The following GSAP variants were observed in gnomAD, a reference collection of about 807,000 sequenced individuals.
GSAP encodes gamma-secretase activating protein, also known as gamma-secretase-activating protein.
A neutral mutation model predicts 131.7 loss-of-function variants in GSAP; 118 were observed. The observed-to-expected ratio is 0.90, with a 90% CI of 0.77 to 1.04. The LOEUF (loss-of-function observed/expected upper bound fraction) is 1.04, where lower values mean the gene tolerates loss of function less well. Ranked by LOEUF, GSAP falls within the 50% of genes least tolerant of loss-of-function variation. The pLI is 0.00. For synonymous variants in GSAP, 381 were observed against 363.4 expected, an observed-to-expected ratio of 1.05 and a Z score of -0.55; for missense variants, 1,019 against 1,013.2, an observed-to-expected ratio of 1.01 and a Z score of -0.08.
rs1030594188 is a variant in GSAP, at chr7:77,310,755, T to C, written c.*603A>G. 2.6e-5 allele frequency: 4 copies of C among 152,276 alleles called. No homozygotes were observed. The highest frequency in any genetic ancestry group is 5.9e-5 in the Non-Finnish European group (4 of 68,018). The allele number at this position is 152,276 out of a possible 1,614,324, so 9.4% of individuals were successfully genotyped here. On this transcript the variant is annotated 3_prime_UTR_variant, in exon 31 of 31. Coordinates refer to ENST00000257626, the MANE Select transcript of GSAP (RefSeq NM_017439.4). ...CAGGGAAAGTCAGGCCAAAACTATG[T>C]TTTCAGGTTTTTTAATGACTGACAA...
chr7:77,356,185 T>C (rs1793698783), intron 14 of GSAP, among the ~76,000 whole-genome samples: 1 of 152,216 alleles, frequency 6.6e-6, no homozygotes, highest in Non-Finnish European at 1.5e-5. Flanking sequence ...TTTCTCTTAC[T>C]AGGTAAACCT....
rs181326159 is a variant in GSAP at position 77,329,473 on chromosome 7, G to C, written c.1675-82C>G. 18 of 632,394 alleles carry C rather than the reference G, an allele frequency of 2.8e-5. No individual in the cohort carries two copies. In the East Asian group the frequency reaches 5.0e-4, roughly 18 times the overall value. 39.2% of individuals were successfully genotyped at this position (632,394 alleles called of 1,614,324 possible). A position where few individuals can be genotyped will look rare whatever the true frequency, so the allele number is the denominator to read the frequency against. On this transcript the variant is annotated intron_variant, in intron 20 of 30. Coordinates refer to ENST00000257626, the MANE Select transcript of GSAP (RefSeq NM_017439.4). ...CACGTCAAGGATATAATGCAATACA[G>C]TTAAGAGCATCAGAGAGAAGAAATA...
At chr7:77,400,651 C>T (rs1563123522) in intron 3 of GSAP, among the ~76,000 whole-genome samples, 1 of 152,190 alleles carries the variant, frequency 6.6e-6, no homozygotes, top group African/African-American at 2.4e-5. Context: ...ACTTAAAAAA[C>T]ATCCAGAGTT....
intron 19 of GSAP, among the ~76,000 whole-genome samples, chr7:77,340,610 AAAG>A (rs1790765871): frequency 6.6e-6 from 1 of 152,212 alleles, no homozygotes; most frequent in African/African-American, 2.4e-5. Flanking sequence ...TAGTAGAGAC[AAAG>A]AAGACACATT....
At chr7:77,363,572 T>G (rs1181046856) in intron 12 of GSAP, among the ~76,000 whole-genome samples, 1 of 152,218 alleles carries the variant, frequency 6.6e-6, no homozygotes, top group Non-Finnish European at 1.5e-5. Flanking sequence ...CTTTCCTTCA[T>G]TAGTTTCTTT....
At chr7:77,351,471 A>G in intron 18 of GSAP, 2 of 975,062 alleles carry the variant, frequency 2.1e-6, no homozygotes, top group Non-Finnish European at 2.4e-6. Context: ...AATGATTTGC[A>G]TCACAGCTAA....
chr7:77,363,625 G>A (rs934006025), intron 12 of GSAP, among the ~76,000 whole-genome samples: 1 of 152,066 alleles, frequency 6.6e-6, no homozygotes, highest in Non-Finnish European at 1.5e-5. Context: ...TCCCCTAAGA[G>A]GGCTATTCAA....
At chr7:77,335,854 G>A (rs1789905434) in intron 19 of GSAP, among the ~76,000 whole-genome samples, 1 of 152,218 alleles carries the variant, frequency 6.6e-6, no homozygotes, top group Non-Finnish European at 1.5e-5. Flanking sequence ...TGGCTCTTCA[G>A]TGGATTCCAT....
chr7:77,361,640 G>A (rs1260881846), intron 13 of GSAP, among the ~76,000 whole-genome samples: 4 of 151,958 alleles, frequency 2.6e-5, no homozygotes, highest in Admixed American at 2.0e-4. Flanking sequence ...TTTAAATATT[G>A]GAAAAATCTT....
At chr7:77,365,856 A>G (rs1009516887) in intron 12 of GSAP, among the ~76,000 whole-genome samples, 2 of 148,832 alleles carry the variant, frequency 1.3e-5, no homozygotes, top group Admixed American at 6.7e-5. Flanking sequence ...TCAACAGTGT[A>G]TAAGTCTTCC....
chr7:77,366,642 T>C (rs1795366514), intron 12 of GSAP, among the ~76,000 whole-genome samples: 1 of 152,192 alleles, frequency 6.6e-6, no homozygotes, highest in African/African-American at 2.4e-5. Flanking sequence ...AGCCCTGTAG[T>C]ATAGTTTGAA....
At chr7:77,341,227 CA>C (rs1173845626) in intron 19 of GSAP, among the ~76,000 whole-genome samples, 1 of 152,082 alleles carries the variant, frequency 6.6e-6, no homozygotes, top group Non-Finnish European at 1.5e-5. Context: ...TGACTCATCC[CA>C]AATCTGTCTT....
intron 5 of GSAP, among the ~76,000 whole-genome samples, chr7:77,388,091 T>C (rs950311424): frequency 3.3e-5 from 5 of 152,246 alleles, no homozygotes; most frequent in Admixed American, 3.3e-4. Context: ...AAGGTGATTT[T>C]CTTAAAGTTT....
chr7:77,407,737 CAT>C (rs747105210), intron 1 of GSAP, among the ~76,000 whole-genome samples: 37 of 152,232 alleles, frequency 2.4e-4, no homozygotes, highest in Middle Eastern at 6.8e-3. Context: ...AAGCTGAACA[CAT>C]GACTCAGCAA....
At chr7:77,379,846 C>T in intron 8 of GSAP, 1 of 984,528 alleles carries the variant, frequency 1.0e-6, no homozygotes, top group Non-Finnish European at 1.2e-6. Context: ...CAGTGACATA[C>T]TTTCTCCTGG....
chr7:77,338,344 T>C (rs1389518801), intron 19 of GSAP, among the ~76,000 whole-genome samples: 1 of 152,200 alleles, frequency 6.6e-6, no homozygotes, highest in African/African-American at 2.4e-5. Flanking sequence ...TTTCAACATA[T>C]TTCCTGTTAG....
intron 14 of GSAP, among the ~76,000 whole-genome samples, chr7:77,356,064 T>C (rs1002064552): frequency 2.0e-5 from 3 of 151,546 alleles, no homozygotes; most frequent in African/African-American, 7.3e-5. Flanking sequence ...AGTGCTGGGA[T>C]TACAGGCATG....
chr7:77,377,471 T>C, intron 8 of GSAP, 81 bp from the exon 9 acceptor site: 17 of 1,402,614 alleles, frequency 1.2e-5, no homozygotes, highest in East Asian at 2.4e-5. Context: ...ATAATTATTT[T>C]CCATGTCTAT....
intron 18 of GSAP, chr7:77,351,519 A>G (rs1792858368): frequency 1.0e-6 from 1 of 981,652 alleles, no homozygotes; most frequent in African/African-American, 1.8e-5. Flanking sequence ...AGATTAGAAG[A>G]GACCTTTAAG....
Sources: allele counts gnomAD v4.1 joint callset (sites outside exome capture counted in the v4.1 genomes callset), GRCh38; gene constraint gnomAD v4.1.1; transcripts MANE v1.5; gene names NCBI Gene and HGNC (gene_info 2026-07-23, HGNC 2026-07-21).